The following ENTREP2 variants were observed in gnomAD, a reference collection of about 807,000 sequenced individuals.
ENTREP2 encodes protein ENTREP2.
the ENTREP2 span, among the ~76,000 whole-genome samples, chr15:29,577,354 G>A: frequency 6.8e-6 from 1 of 146,458 alleles, no homozygotes; most frequent in African/African-American, 2.6e-5. Flanking sequence ...GTGTGTGAGA[G>A]AGAGAAAGGG....
chr15:29,668,255 A>G, the ENTREP2 span, among the ~76,000 whole-genome samples: 1 of 152,214 alleles, frequency 6.6e-6, no homozygotes, highest in Non-Finnish European at 1.5e-5. Flanking sequence ...TGCTATTGCC[A>G]GTCCGGGGAA....
chr15:29,305,123 A>G, the ENTREP2 span, among the ~76,000 whole-genome samples: 2 of 152,226 alleles, frequency 1.3e-5, no homozygotes, highest in Non-Finnish European at 2.9e-5. Flanking sequence ...AATCCTCAAA[A>G]CAGTGTTAAT....
the ENTREP2 span, among the ~76,000 whole-genome samples, chr15:29,151,271 T>G: frequency 0.47 from 71,548 of 152,052 alleles, 17,631 homozygotes; most frequent in African/African-American, 0.62. Flanking sequence ...GTGACTGGCC[T>G]CTGGAGTATG....
chr15:29,290,786 T>G, the ENTREP2 span, among the ~76,000 whole-genome samples: 1 of 152,220 alleles, frequency 6.6e-6, no homozygotes, highest in African/African-American at 2.4e-5. Flanking sequence ...TGAACTTCTA[T>G]AGAAAGGACT....
At chr15:29,429,923 A>G in the ENTREP2 span, among the ~76,000 whole-genome samples, 1 of 152,222 alleles carries the variant, frequency 6.6e-6, no homozygotes, top group East Asian at 1.9e-4. Flanking sequence ...TCCACGCCTG[A>G]TGTAAAGCCA....
the ENTREP2 span, among the ~76,000 whole-genome samples, chr15:29,318,259 GTCTC>G: frequency 3.3e-5 from 5 of 152,150 alleles, no homozygotes; most frequent in Non-Finnish European, 7.3e-5. Flanking sequence ...CTCACTTCAT[GTCTC>G]TCTGTCGGTA....
chr15:29,206,769 A>T, the ENTREP2 span, among the ~76,000 whole-genome samples: 3 of 152,188 alleles, frequency 2.0e-5, no homozygotes, highest in Non-Finnish European at 4.4e-5. Context: ...TGAATTTTAC[A>T]CTTTAAGTGG....
At chr15:29,656,626 G>T in the ENTREP2 span, among the ~76,000 whole-genome samples, 5 of 152,244 alleles carry the variant, frequency 3.3e-5, no homozygotes, top group African/African-American at 1.2e-4. Context: ...TATTTGCCAG[G>T]GAAGTGCAAA....
chr15:29,393,442 C>A, the ENTREP2 span, among the ~76,000 whole-genome samples: 14 of 152,202 alleles, frequency 9.2e-5, no homozygotes, highest in Non-Finnish European at 1.5e-4. Context: ...ATGCTCAGGG[C>A]AAGTCCCTTC....
At chr15:29,498,257 T>C in the ENTREP2 span, among the ~76,000 whole-genome samples, 4 of 152,206 alleles carry the variant, frequency 2.6e-5, no homozygotes, top group African/African-American at 9.7e-5. Context: ...CTTTTCTTTA[T>C]AAATTATCCA....
the ENTREP2 span, among the ~76,000 whole-genome samples, chr15:29,153,843 G>A: frequency 2.0e-5 from 3 of 152,262 alleles, no homozygotes; most frequent in African/African-American, 7.2e-5. Flanking sequence ...GTCTTGCTCT[G>A]TTGCCCAGGC....
chr15:29,259,811 CAT>C, the ENTREP2 span, among the ~76,000 whole-genome samples: 9 of 149,406 alleles, frequency 6.0e-5, no homozygotes, highest in South Asian at 2.1e-4. Flanking sequence ...ATCCCATTTA[CAT>C]ATATATATAT....
At chr15:29,441,855 T>C in the ENTREP2 span, among the ~76,000 whole-genome samples, 8 of 152,160 alleles carry the variant, frequency 5.3e-5, no homozygotes, top group Non-Finnish European at 7.3e-5. Context: ...CGCACTTTCA[T>C]AGCTCACCGC....
chr15:29,612,997 C>A, the ENTREP2 span, among the ~76,000 whole-genome samples: 1 of 152,166 alleles, frequency 6.6e-6, no homozygotes, highest in Non-Finnish European at 1.5e-5. Flanking sequence ...GATGCTACGA[C>A]CTGAATTTCC....
the ENTREP2 span, among the ~76,000 whole-genome samples, chr15:29,526,848 C>T: frequency 6.6e-5 from 10 of 151,952 alleles, no homozygotes; most frequent in African/African-American, 1.9e-4. Context: ...ACCATGTCTG[C>T]CTCCACACTC....
chr15:29,218,959 G>C, the ENTREP2 span, among the ~76,000 whole-genome samples: 2 of 152,114 alleles, frequency 1.3e-5, no homozygotes, highest in South Asian at 2.1e-4. Context: ...AACAAAGATA[G>C]TCGGGACTTC....
the ENTREP2 span, among the ~76,000 whole-genome samples, chr15:29,443,215 C>T: frequency 2.2e-3 from 329 of 152,292 alleles, 1 homozygote; most frequent in Middle Eastern, 0.017. Flanking sequence ...CACCAGCCTC[C>T]TTGTCCCACA....
At chr15:29,142,970 A>C in the ENTREP2 span, among the ~76,000 whole-genome samples, 2 of 152,228 alleles carry the variant, frequency 1.3e-5, no homozygotes, top group African/African-American at 4.8e-5. Context: ...TTTTGCCACG[A>C]TTTCCACACA....
the ENTREP2 span, among the ~76,000 whole-genome samples, chr15:29,185,711 GCCA>G: frequency 1.3e-5 from 2 of 151,958 alleles, no homozygotes; most frequent in African/African-American, 4.8e-5. Context: ...ACAGGCGCCC[GCCA>G]CCACACCTGG....
Sources: allele counts gnomAD v4.1 joint callset (sites outside exome capture counted in the v4.1 genomes callset), GRCh38; gene constraint gnomAD v4.1.1; transcripts MANE v1.5; gene names NCBI Gene and HGNC (gene_info 2026-07-23, HGNC 2026-07-21).